TRAPPC9: variants seen among roughly 807,000 people sequenced by gnomAD.
The protein encoded by TRAPPC9 is IKK2 binding protein.
In TRAPPC9, 83 loss-of-function variants were observed where a neutral mutation model predicts 124.0. The ratio of observed to expected loss-of-function variants is 0.67; its 90% CI spans 0.56 to 0.80. The LOEUF (loss-of-function observed/expected upper bound fraction) is 0.80, where lower values mean the gene tolerates loss of function less well. Among genes scored for constraint, TRAPPC9 ranks in the 30% least tolerant of loss-of-function variants. The pLI is 0.00. For missense variants in TRAPPC9, 1,302 were observed against 1,508.3 expected, an observed-to-expected ratio of 0.86 and a Z score of 2.27; for synonymous variants, 638 against 617.5, an observed-to-expected ratio of 1.03 and a Z score of -0.49.
chr8:140,236,849 T>G (rs1186646579), intron 16 of TRAPPC9, among the ~76,000 whole-genome samples: 2 of 152,204 alleles, frequency 1.3e-5, no homozygotes, highest in Non-Finnish European at 2.9e-5. Flanking sequence ...CAGTCAATAT[T>G]CTAACATACT....
intron 18 of TRAPPC9, among the ~76,000 whole-genome samples, chr8:140,002,336 C>G (rs895457342): frequency 6.6e-6 from 1 of 151,872 alleles, no homozygotes; most frequent in Non-Finnish European, 1.5e-5. Flanking sequence ...CCTACATAAA[C>G]AGAAGTATAT....
intron 18 of TRAPPC9, among the ~76,000 whole-genome samples, chr8:140,017,564 T>C (rs755511371): frequency 1.3e-5 from 2 of 152,240 alleles, no homozygotes; most frequent in Non-Finnish European, 2.9e-5. Flanking sequence ...GGACTATCTA[T>C]TATGGTCCAT....
At chr8:140,138,821 A>G (rs563389984) in intron 17 of TRAPPC9, among the ~76,000 whole-genome samples, 34 of 152,042 alleles carry the variant, frequency 2.2e-4, no homozygotes, top group Non-Finnish European at 4.4e-4. Flanking sequence ...AGATAAACAA[A>G]ATGGGGGGAT....
At chr8:140,315,735 C>T (rs914241353) in intron 9 of TRAPPC9, among the ~76,000 whole-genome samples, 10 of 152,274 alleles carry the variant, frequency 6.6e-5, no homozygotes, top group Admixed American at 5.9e-4. Flanking sequence ...CTTTAAGATA[C>T]TAGGTTCCCT....
rs185735692 is a variant in TRAPPC9, at chr8:140,438,980, G to A, written c.730+72C>T. 300 of 1,596,770 alleles carry A rather than the reference G, an allele frequency of 1.9e-4. 2 individuals are homozygous for A. The East Asian group carries it at 5.0e-3, about 26-fold the overall frequency. ...GCTGGGATTACAGGCGTGAGCCACCGCACCCAGCCTCTCATTTTAATTAAC... is the reference window on the plus strand; with the variant it reads ...GCTGGGATTACAGGCGTGAGCCACCACACCCAGCCTCTCATTTTAATTAAC... On this transcript the variant is annotated intron_variant, in intron 3 of 22. Coordinates refer to ENST00000438773, the MANE Select transcript of TRAPPC9 (RefSeq NM_001160372.4).
rs537472068 is a variant in TRAPPC9 at position 139,825,154 on chromosome 8, G to T, written c.3055+60725C>A. Among the ~76,000 whole-genome samples the T allele has an allele frequency of 1.3e-5, 2 of 152,136 alleles. No homozygotes were observed. Among genetic ancestry groups the T allele is most frequent in the African/African-American group, 2.4e-5 (1 of 41,442 alleles). On this transcript the variant is annotated intron_variant, in intron 21 of 22. Transcript: ENST00000438773. This position sits in a 1 kb window ranked among gnomAD's most constrained non-coding sequence, Gnocchi z 4.6. ...CTGCGGGACTACAGGATTACAGAGG[G>T]GTCTGAGAAGGTCTTACTGAGGCAT...
At chr8:140,311,780 T>G (rs559430594) in intron 9 of TRAPPC9, among the ~76,000 whole-genome samples, 7 of 152,258 alleles carry the variant, frequency 4.6e-5, no homozygotes, top group Non-Finnish European at 1.0e-4. Context: ...CAGGAGTTTG[T>G]AATTTATCTG....
chr8:139,736,090 A>T (rs1247562926), intron 21 of TRAPPC9, among the ~76,000 whole-genome samples: 2 of 151,968 alleles, frequency 1.3e-5, no homozygotes, highest in Non-Finnish European at 2.9e-5. Flanking sequence ...GATGATCTTG[A>T]CCTCCCAGAC....
chr8:140,113,549 G>C (rs1458692346), intron 17 of TRAPPC9, among the ~76,000 whole-genome samples: 1 of 152,208 alleles, frequency 6.6e-6, no homozygotes, highest in Non-Finnish European at 1.5e-5. Flanking sequence ...GCACCTGCCT[G>C]GCCACTCACT....
chr8:140,246,236 T>C (rs2063984671), intron 16 of TRAPPC9, among the ~76,000 whole-genome samples: 1 of 152,202 alleles, frequency 6.6e-6, no homozygotes, highest in Admixed American at 6.5e-5. Flanking sequence ...TGCTCTCTAA[T>C]CACTCCTTTG....
chr8:139,961,535 C>T lies in TRAPPC9; in HGVS notation c.2810+27191G>A, dbSNP rs907318014. 6.4e-5 allele frequency among the ~76,000 whole-genome samples: 8 copies of T among 124,404 alleles called. 3 individuals are homozygous for T. The highest frequency in any genetic ancestry group is 2.0e-4 in the African/African-American group (8 of 39,326). The allele number at this position is 124,404 out of a possible 152,430, so 81.6% of individuals were successfully genotyped here. ...AGCTATGGAGCCAAGCCTCCCTGTG[C>T]TCTCAGGGGAGCCAGGAACAGGCAG... On this transcript the variant is annotated intron_variant, in intron 19 of 22. Coordinates refer to ENST00000438773, the MANE Select transcript of TRAPPC9 (RefSeq NM_001160372.4).
At chr8:139,896,500 T>G (rs1353142886) in intron 20 of TRAPPC9, among the ~76,000 whole-genome samples, 2 of 152,196 alleles carry the variant, frequency 1.3e-5, no homozygotes, top group Non-Finnish European at 2.9e-5. Flanking sequence ...ACTGTTATTT[T>G]CATTTCAAAG....
chr8:140,251,349 G>A lies in TRAPPC9; in HGVS notation c.2431+1428C>T, dbSNP rs547411031. On this transcript the variant is annotated intron_variant, in intron 16 of 22. Coordinates refer to ENST00000438773, the MANE Select transcript of TRAPPC9 (RefSeq NM_001160372.4). The stretch of plus-strand genomic sequence containing the variant: ...TTAAAAAGAAAAAATGCAGTTCAGC[G>A]GGATAAAGCCGTTTACACACCAACC... 1.2e-4 allele frequency among the ~76,000 whole-genome samples: 19 copies of A among 152,260 alleles called. 1 individual carries two copies. Among genetic ancestry groups the A allele is most frequent in the East Asian group, 9.6e-4 (5 of 5,184 alleles).
intron 17 of TRAPPC9, among the ~76,000 whole-genome samples, chr8:140,055,794 C>T (rs1842255953): frequency 6.6e-6 from 1 of 151,940 alleles, no homozygotes; most frequent in African/African-American, 2.4e-5. Flanking sequence ...ATAAACTTAA[C>T]CAAGGAGGTG....
At chr8:140,123,030 C>T (rs1460950880) in intron 17 of TRAPPC9, among the ~76,000 whole-genome samples, 1 of 152,218 alleles carries the variant, frequency 6.6e-6, no homozygotes, top group Non-Finnish European at 1.5e-5. Flanking sequence ...TGCACCCACA[C>T]AGCTGCCAAT....
chr8:140,452,290 G>A (rs1465499437), intron 1 of TRAPPC9, among the ~76,000 whole-genome samples: 1 of 151,100 alleles, frequency 6.6e-6, no homozygotes, highest in Non-Finnish European at 1.5e-5. Flanking sequence ...CGTGGTGGCA[G>A]GCACCTGTAG....
At chr8:140,351,375 GTT>G (rs34577924) in intron 9 of TRAPPC9, among the ~76,000 whole-genome samples, 57 of 148,064 alleles carry the variant, frequency 3.8e-4, no homozygotes, top group African/African-American at 1.2e-3. Context: ...AACGTGTGTA[GTT>G]TTTTTTTTTC....
At chr8:140,120,766 C>T (rs2060971427) in intron 17 of TRAPPC9, among the ~76,000 whole-genome samples, 1 of 151,800 alleles carries the variant, frequency 6.6e-6, no homozygotes, top group East Asian at 1.9e-4. Flanking sequence ...ATCCATCCAA[C>T]ATCCATCCAT....
intron 17 of TRAPPC9, among the ~76,000 whole-genome samples, chr8:140,080,329 G>C (rs974456458): frequency 2.3e-4 from 35 of 152,226 alleles, no homozygotes; most frequent in African/African-American, 8.0e-4. Context: ...ACTCATTCTT[G>C]TCTTAGTCCA....
Sources: allele counts gnomAD v4.1 joint callset (sites outside exome capture counted in the v4.1 genomes callset), GRCh38; gene constraint gnomAD v4.1.1; non-coding constraint Gnocchi (gnomAD v3.1); transcripts MANE v1.5; gene names NCBI Gene and HGNC (gene_info 2026-07-23, HGNC 2026-07-21).